The following GABRB2 variants were observed in gnomAD, a reference collection of about 807,000 sequenced individuals.
GABRB2 encodes the protein gamma-aminobutyric acid type A receptor subunit beta2.
In GABRB2, 16 loss-of-function variants were observed where a neutral mutation model predicts 54.7. That is an observed-to-expected ratio of 0.29 (90% CI 0.20 to 0.44). GABRB2 has a LOEUF of 0.44. Ranked by LOEUF, GABRB2 falls within the 20% of genes least tolerant of loss-of-function variation. The probability of loss-of-function intolerance (pLI) is 1.00; values close to 1 mark genes in which losing one functional copy is unlikely to be tolerated. For missense variants in GABRB2, 355 were observed against 644.0 expected (o/e 0.55, Z 4.86); for synonymous variants, 244 against 233.8 (o/e 1.04, Z -0.40).
chr5:161,450,140 T>A (rs937335121), intron 4 of GABRB2, among the ~76,000 whole-genome samples: 21 of 152,156 alleles, frequency 1.4e-4, no homozygotes, highest in Non-Finnish European at 7.4e-5. Context: ...GCTTCTTCCC[T>A]ACTTCAAAAC....
chr5:161,328,620 C>T (rs901194690), intron 8 of GABRB2, among the ~76,000 whole-genome samples: 1 of 152,118 alleles, frequency 6.6e-6, no homozygotes, highest in African/African-American at 2.4e-5. Flanking sequence ...TGTCTTGATT[C>T]TTACACATGC....
chr5:161,426,386 G>C (rs985121025), intron 4 of GABRB2, among the ~76,000 whole-genome samples: 1 of 152,052 alleles, frequency 6.6e-6, no homozygotes, highest in African/African-American at 2.4e-5. Flanking sequence ...AGGGTCGACT[G>C]GGGGAGGGTG....
At chr5:161,467,435 G>A (rs1485856643) in intron 3 of GABRB2, among the ~76,000 whole-genome samples, 1 of 152,002 alleles carries the variant, frequency 6.6e-6, no homozygotes, top group Non-Finnish European at 1.5e-5. Flanking sequence ...ATGTTTTTAA[G>A]GTAGTAAAAA....
intron 9 of GABRB2, among the ~76,000 whole-genome samples, chr5:161,309,429 C>A (rs565837589): frequency 1.3e-5 from 2 of 152,092 alleles, no homozygotes; most frequent in African/African-American, 4.8e-5. Context: ...TTAGTTCAAC[C>A]ATTGTGGGAG....
At chr5:161,302,828 A>C (rs906510721) in intron 9 of GABRB2, among the ~76,000 whole-genome samples, 4 of 152,236 alleles carry the variant, frequency 2.6e-5, no homozygotes, top group Non-Finnish European at 5.9e-5. Flanking sequence ...AAGTTCACTC[A>C]ATCAGAATAT....
intron 3 of GABRB2, among the ~76,000 whole-genome samples, chr5:161,506,059 A>T (rs1759596643): frequency 6.6e-6 from 1 of 152,060 alleles, no homozygotes; most frequent in African/African-American, 2.4e-5. Flanking sequence ...TGTATATATA[A>T]CCTAATGAAT....
rs1186191785 is a variant in GABRB2, at chr5:161,333,240, C to T, written c.832+1512G>A. Among the ~76,000 whole-genome samples, 4 of 152,158 alleles carry T rather than the reference C, an allele frequency of 2.6e-5. No homozygotes were observed. In the South Asian group the frequency reaches 8.3e-4, roughly 32 times the overall value. On this transcript the variant is annotated intron_variant, in intron 7 of 9. Transcript: ENST00000393959. ...AAATTTTATTCCTTCTTTCATTCAG[C>T]AAATGTTTACTGAGCACCATTCCCC... is the stretch of plus-strand genomic sequence containing the variant.
chr5:161,486,453 C>T (rs1014666468), intron 3 of GABRB2, among the ~76,000 whole-genome samples: 4 of 151,930 alleles, frequency 2.6e-5, no homozygotes, highest in African/African-American at 9.7e-5. Flanking sequence ...ACGTTGTCAA[C>T]AATGATGGAT....
At chr5:161,420,703 G>A (rs1209948650) in intron 4 of GABRB2, among the ~76,000 whole-genome samples, 1 of 152,162 alleles carries the variant, frequency 6.6e-6, no homozygotes, top group Non-Finnish European at 1.5e-5. Flanking sequence ...TCTCTGGGAG[G>A]GAGGGAGTGC....
chr5:161,392,894 T>C (rs1755873770), intron 5 of GABRB2, among the ~76,000 whole-genome samples: 1 of 152,158 alleles, frequency 6.6e-6, no homozygotes, highest in African/African-American at 2.4e-5. Flanking sequence ...GACATTTATG[T>C]GACAGAGTGC....
chr5:161,489,221 A>G (rs1054417546), intron 3 of GABRB2, among the ~76,000 whole-genome samples: 1 of 151,610 alleles, frequency 6.6e-6, no homozygotes, highest in Admixed American at 6.6e-5. Flanking sequence ...TAAACTGTTT[A>G]TTTTGTAGTA....
rs1757182083 is a variant in GABRB2, at chr5:161,289,634, A to C, written c.*4447T>G. 3 of 152,118 alleles carry C rather than the reference A, an allele frequency of 2.0e-5. No homozygotes were observed. The highest frequency in any genetic ancestry group is 2.0e-4 in the Admixed American group (3 of 15,258). 9.4% of individuals were successfully genotyped at this position (152,118 alleles called of 1,614,324 possible). ...TGGTTTCTTGAACTCTGACATATAA[A>C]AAAGTCTATTAAGTTATCAATGATC... On this transcript the variant is annotated 3_prime_UTR_variant, in exon 10 of 10. Coordinates refer to ENST00000393959, the MANE Select transcript of GABRB2 (RefSeq NM_001371727.1).
chr5:161,542,538 C>T (rs1760853473), intron 3 of GABRB2, among the ~76,000 whole-genome samples: 2 of 152,294 alleles, frequency 1.3e-5, no homozygotes, highest in Middle Eastern at 3.4e-3. Context: ...AGAAGTAGAA[C>T]TCGCATCTGA....
chr5:161,403,219 G>C (rs1356582531), intron 5 of GABRB2, among the ~76,000 whole-genome samples: 2 of 152,186 alleles, frequency 1.3e-5, no homozygotes, highest in African/African-American at 4.8e-5. Context: ...GATAGCTCTG[G>C]GCATTTCTAT....
intron 3 of GABRB2, among the ~76,000 whole-genome samples, chr5:161,534,470 C>G (rs971825852): frequency 6.6e-6 from 1 of 152,120 alleles, no homozygotes; most frequent in African/African-American, 2.4e-5. Flanking sequence ...ATATTTAATC[C>G]TCTCGGGAAG....
At chr5:161,521,904 T>C (rs555038797) in intron 3 of GABRB2, among the ~76,000 whole-genome samples, 2 of 151,876 alleles carry the variant, frequency 1.3e-5, no homozygotes, top group Non-Finnish European at 2.9e-5. Context: ...TATTTTATTT[T>C]ACAATTTTTT....
chr5:161,345,122 C>T (rs1027454579), intron 5 of GABRB2, among the ~76,000 whole-genome samples: 1 of 152,006 alleles, frequency 6.6e-6, no homozygotes, highest in Non-Finnish European at 1.5e-5. Flanking sequence ...CAGCAAACCA[C>T]CATGGCACGT....
At chr5:161,422,656 TA>T (rs1188039193) in intron 4 of GABRB2, among the ~76,000 whole-genome samples, 3 of 152,182 alleles carry the variant, frequency 2.0e-5, no homozygotes, top group Non-Finnish European at 4.4e-5. Context: ...TTTTTCCCTC[TA>T]AAAAATGTTA....
At chr5:161,529,636 C>T (rs553768692) in intron 3 of GABRB2, among the ~76,000 whole-genome samples, 1 of 152,004 alleles carries the variant, frequency 6.6e-6, no homozygotes, top group African/African-American at 2.4e-5. Context: ...TTTCATTTCA[C>T]AGAAGTTTCT....
Sources: allele counts gnomAD v4.1 joint callset (sites outside exome capture counted in the v4.1 genomes callset), GRCh38; gene constraint gnomAD v4.1.1; transcripts MANE v1.5; gene names NCBI Gene and HGNC (gene_info 2026-07-23, HGNC 2026-07-21).